Variants in ABCC10 observed in about 807,000 individuals in gnomAD.
The protein encoded by ABCC10 is ATP binding cassette subfamily C member 10.
Under a neutral mutation model 143.2 loss-of-function variants are expected in ABCC10, and 110 were observed. The ratio of observed to expected loss-of-function variants is 0.77; its 90% CI spans 0.66 to 0.90. The LOEUF (loss-of-function observed/expected upper bound fraction) is 0.90. Among genes scored for constraint, ABCC10 ranks in the 40% least tolerant of loss-of-function variants. The pLI is 0.00. For missense variants in ABCC10, 1,700 were observed against 1,900.5 expected (o/e 0.89, Z 1.96); for synonymous variants, 805 against 846.7 (o/e 0.95, Z 0.85).
Position 43,435,758 on chromosome 6 carries a change from C to T in ABCC10, c.1616C>T (p.Thr539Met), listed in dbSNP as rs139998424. Reference protein sequence around the residue: ...GHQLTATKVFTALALVRMLIL... With the variant: ...GHQLTATKVFMALALVRMLIL... ...TGCACCCACCTCACTCAGGTGTTCA[C>T]GGCCCTGGCACTGGTGCGAATGCTC... Residue 539 changes from threonine (T) to methionine (M), a missense_variant, in exon 5 of 22, where the codon ACG becomes ATG. Thr to Met is a moderately conservative substitution (Grantham distance 81). Coordinates refer to ENST00000372530, the MANE Select transcript of ABCC10 (RefSeq NM_001198934.2). 3.7e-4 allele frequency: 602 copies of T among 1,614,004 alleles called. No homozygotes were observed. The highest frequency in any genetic ancestry group is 4.1e-4 in the Non-Finnish European group (489 of 1,179,894).
At chr6:43,445,368 T>G in intron 14 of ABCC10, 54 bp downstream of exon 14, 1 of 1,557,030 alleles carries the variant, frequency 6.4e-7, no homozygotes, top group Non-Finnish European at 8.7e-7. Context: ...CCCTGTGGAG[T>G]GTCCTCCCAA....
Position 43,434,698 on chromosome 6 carries a change from G to A in ABCC10, c.1458G>A (p.Glu486=). ...AGCAGGCACTGGGAGCCCGAGTAGA[G>A]GCCTGCCGGGCTCGAGAGCTGGGGC... The part of the protein sequence containing the change: ...GWEQALGARV[E]ACRARELGRL... The change falls in exon 4 of 22, where the codon GAG becomes GAA. Residue 486 remains glutamate (E), a synonymous_variant. Transcript: ENST00000372530. 3 of 1,614,176 alleles carry A rather than the reference G, an allele frequency of 1.9e-6. No homozygotes were observed. Among genetic ancestry groups the A allele is most frequent in the Non-Finnish European group, 2.5e-6 (3 of 1,180,024 alleles).
chr6:43,444,101 T>C, intron 11 of ABCC10, 58 bp from the exon 12 acceptor site: 1 of 1,609,586 alleles, frequency 6.2e-7, no homozygotes, highest in Admixed American at 1.7e-5. Flanking sequence ...TCTGAAATAC[T>C]GAGTTTTCAG....
At chr6:43,434,486 C>A in intron 3 of ABCC10, 135 bp from the exon 4 acceptor site, 1 of 807,168 alleles carries the variant, frequency 1.2e-6, no homozygotes, top group Non-Finnish European at 2.0e-6. Flanking sequence ...GGAAGAAAAC[C>A]AAGACTAGGG....
rs1385015603 is a variant in ABCC10, at chr6:43,445,940, C to T, written c.3372C>T (p.Tyr1124=). The T allele has an allele frequency of 6.2e-7, 1 of 1,609,858 alleles. No homozygotes were observed. Among genetic ancestry groups the T allele is most frequent in the Admixed American group, 1.7e-5 (1 of 59,828 alleles). Residue 1124 remains tyrosine (Y), a splice_region_variant and synonymous_variant, in exon 15 of 22, where the codon TAC becomes TAT. Coordinates refer to ENST00000372530, the MANE Select transcript of ABCC10 (RefSeq NM_001198934.2). The part of the protein sequence containing the change: ...LSVLRATGAT[Y]RFEEENLRLL... ...TGCTCCGGGCCACAGGGGCCACCTA[C>T]AGGTGTGTGAACCAGAGCCCAGGGG...
chr6:43,451,381 C>T (rs903459309), downstream of ABCC10: 20 of 1,374,076 alleles, frequency 1.5e-5, no homozygotes, highest in Middle Eastern at 1.9e-4. This position sits in a 1 kb window ranked among gnomAD's most constrained non-coding sequence, Gnocchi z 4.4. Flanking sequence ...GGGCTACACA[C>T]TCCGAGCCTC....
chr6:43,445,109 C>G lies in ABCC10; in HGVS notation c.2841-16C>G. ...CCCTAGTTTTGGTTACCGACAGCCC[C>G]CTCCTCACCACCCAGCATCCCAGTG... On this transcript the variant is annotated splice_polypyrimidine_tract_variant and intron_variant, in intron 13 of 21. Transcript: ENST00000372530. The G allele has an allele frequency of 1.2e-6, 2 of 1,613,118 alleles. No individual in the cohort carries two copies. The highest frequency in any genetic ancestry group is 1.7e-6 in the Non-Finnish European group (2 of 1,179,252).
intron 2 of ABCC10, 161 bp from the exon 3 acceptor site, chr6:43,431,981 G>A: frequency 7.0e-7 from 1 of 1,433,210 alleles, no homozygotes. Context: ...GACTTCCTGG[G>A]AGAAAAGACC....
Position 43,443,899 on chromosome 6 carries a change from C to T in ABCC10, c.2417-34C>T. The T allele has an allele frequency of 6.4e-7, 1 of 1,573,622 alleles. No homozygotes were observed. Among genetic ancestry groups the T allele is most frequent in the Non-Finnish European group, 8.7e-7 (1 of 1,143,028 alleles). On this transcript the variant is annotated intron_variant, in intron 10 of 21. Transcript: ENST00000372530. The surrounding 1 kb of genome is among the most constrained non-coding windows in gnomAD (Gnocchi z 4.2). Reference sequence around the variant, plus strand: ...AGAAAGGCATAGTATAGACTCAGAACAGTCCTCTCCCAATCTCCCCTTCTA... The same window carrying T: ...AGAAAGGCATAGTATAGACTCAGAATAGTCCTCTCCCAATCTCCCCTTCTA...
intron 6 of ABCC10, among the ~76,000 whole-genome samples, chr6:43,437,049 G>A (rs561967483): frequency 6.6e-6 from 1 of 152,118 alleles, no homozygotes; most frequent in Non-Finnish European, 1.5e-5. Flanking sequence ...AGGCAGGAAC[G>A]CAGCTGGATC....
chr6:43,447,652 C>T (rs750388357), intron 17 of ABCC10, 32 bp from the exon 18 acceptor site: 24 of 1,611,670 alleles, frequency 1.5e-5, no homozygotes, highest in Non-Finnish European at 1.8e-5. Flanking sequence ...TCTCCCTTTC[C>T]CCGTCTGTCT....
In ABCC10 at chr6:43,432,371, C is replaced by T. The variant is rs534328007; in HGVS notation, c.391C>T (p.Arg131Trp). Residue 131 changes from arginine (R) to tryptophan (W), a missense_variant, in exon 3 of 22, where the codon CGG becomes TGG. Transcript: ENST00000372530. ...GGCACATTCCCCTCATGGCCACTCC[C>T]GGGGTCCCTTGGCCTTGGCCCTGGT... is the stretch of plus-strand genomic sequence containing the variant. ...VLAHSPHGHSRGPLALALVAL... is the reference protein window; with the variant it reads ...VLAHSPHGHSWGPLALALVAL... 26 of 1,613,168 alleles carry T rather than the reference C, an allele frequency of 1.6e-5. No individual in the cohort carries two copies. Among genetic ancestry groups the T allele is most frequent in the South Asian group, 8.8e-5 (8 of 91,094 alleles).
chr6:43,438,762 G>T lies in ABCC10; in HGVS notation c.2094G>T (p.Val698=), dbSNP rs1172181077. The T allele has an allele frequency of 6.2e-7, 1 of 1,614,198 alleles. No homozygotes were observed. The highest frequency in any genetic ancestry group is 2.2e-5 in the East Asian group (1 of 44,882). ...KTFDAQLYKE[V]LEACALNDDL... ...TTGATGCACAGCTGTACAAGGAGGT[G>T]CTAGAAGCCTGCGCCCTCAATGATG... The change falls in exon 8 of 22, where the codon GTG becomes GTT. Residue 698 remains valine, a synonymous_variant. Coordinates refer to ENST00000372530, the MANE Select transcript of ABCC10 (RefSeq NM_001198934.2).
At position 43,427,572 on chromosome 6, in the gene ABCC10, G is replaced by A. The variant is rs1451570832; in HGVS notation, c.-197G>A. On this transcript the variant is annotated 5_prime_UTR_variant, in exon 1 of 22. The change abolishes the stop of an existing upstream ORF in the 5' untranslated region. Transcript: ENST00000372530. Reference sequence around the variant, plus strand: ...TGGGCGTGGCGAATAGCGCCGGCTAGGTCTTCCAACCTCTAGGTGGGGTGC... The same window carrying A: ...TGGGCGTGGCGAATAGCGCCGGCTAAGTCTTCCAACCTCTAGGTGGGGTGC... The A allele has an allele frequency of 3.3e-6, 1 of 303,840 alleles. No individual in the cohort carries two copies. Among genetic ancestry groups the A allele is most frequent in the Non-Finnish European group, 6.4e-6 (1 of 157,060 alleles). The allele number at this position is 303,840 out of a possible 1,614,324, so 18.8% of individuals were successfully genotyped here.
Position 43,447,757 on chromosome 6 carries a change from C to T in ABCC10, c.3779C>T (p.Pro1260Leu), listed in dbSNP as rs778693352. Residue 1260 changes from proline to leucine, a missense_variant, in exon 18 of 22, where the codon CCG becomes CTG. Coordinates refer to ENST00000372530, the MANE Select transcript of ABCC10 (RefSeq NM_001198934.2). ...GTGTTGGCGTACCGGCCAGGGCTGC[C>T]GAATGCCCTGGATGGAGTGACCTTC... is the stretch of plus-strand genomic sequence containing the variant. ...DVVLAYRPGLPNALDGVTFCV... is the reference protein window; with the variant it reads ...DVVLAYRPGLLNALDGVTFCV... 14 of 1,613,734 alleles carry T rather than the reference C, an allele frequency of 8.7e-6. No homozygotes were observed. The highest frequency in any genetic ancestry group is 3.3e-4 in the Middle Eastern group (2 of 6,084).
At chr6:43,428,225 A>T (rs1780714924) in intron 2 of ABCC10, 86 bp downstream of exon 2, 3 of 1,378,062 alleles carry the variant, frequency 2.2e-6, no homozygotes, top group Non-Finnish European at 2.9e-6. Context: ...TGTCACCAGA[A>T]TAGCGAGGTC....
intron 17 of ABCC10, 44 bp downstream of exon 17, chr6:43,447,452 A>G (rs1383678074): frequency 2.5e-6 from 4 of 1,599,560 alleles, no homozygotes; most frequent in African/African-American, 1.3e-5. Flanking sequence ...TGGAACCCTG[A>G]AGGCCCCAGT....
At chr6:43,442,544 C>T (rs1317671643) in intron 9 of ABCC10, among the ~76,000 whole-genome samples, 1 of 152,112 alleles carries the variant, frequency 6.6e-6, no homozygotes, top group Non-Finnish European at 1.5e-5. Context: ...GCACTCCAGC[C>T]TGGGTGATGA....
At chr6:43,437,811 A>T in intron 6 of ABCC10, 123 bp from the exon 7 acceptor site, 2 of 915,608 alleles carry the variant, frequency 2.2e-6, no homozygotes, top group Non-Finnish European at 3.4e-6. Flanking sequence ...CCTACACACT[A>T]AAGAAAGAAG....
Sources: gnomAD v4.1 joint callset for allele counts (sites outside exome capture counted in the v4.1 genomes callset) on GRCh38, gnomAD v4.1.1 for gene constraint, Gnocchi (gnomAD v3.1) non-coding constraint, MANE v1.5 for transcripts, NCBI Gene and HGNC (gene_info 2026-07-23, HGNC 2026-07-21) for gene names.